SGSM3: variants seen among roughly 807,000 people sequenced by gnomAD.
The protein encoded by SGSM3 is RUN and SH3 containing 3.
Under a neutral mutation model 100.5 loss-of-function variants are expected in SGSM3, and 96 were observed. That is an observed-to-expected ratio of 0.96 (90% CI 0.81 to 1.13). The LOEUF is 1.13. Among genes scored for constraint, SGSM3 ranks in the 50% most tolerant of loss-of-function variants. SGSM3 has a pLI of 0.00. For missense variants in SGSM3, 1,001 were observed against 1,015.8 expected, an observed-to-expected ratio of 0.99 and a Z score of 0.20; for synonymous variants, 483 against 422.8, an observed-to-expected ratio of 1.14 and a Z score of -1.75.
At chr22:40,380,485 G>A (rs1422666698) in intron 1 of SGSM3, among the ~76,000 whole-genome samples, 2 of 151,152 alleles carry the variant, frequency 1.3e-5, no homozygotes, top group East Asian at 3.9e-4. Context: ...TCCCACCTCA[G>A]CATCCCGAGT....
rs1000572847 is a variant in SGSM3, at chr22:40,410,278, G to C, written c.*519G>C. On this transcript the variant is annotated 3_prime_UTR_variant, in exon 22 of 22. Transcript: ENST00000248929. ...CCCCTTCCATGGACTGAATAAGATG[G>C]ACTAACAGGCCTGTGTTTTTGTGTT... 6.5e-6 allele frequency: 4 copies of C among 619,090 alleles called. No individual in the cohort carries two copies. Among genetic ancestry groups the C allele is most frequent in the African/African-American group, 5.8e-5 (3 of 52,116 alleles). The allele number at this position is 619,090 out of a possible 1,614,324, so 38.3% of individuals were successfully genotyped here.
At position 40,404,628 on chromosome 22, in the gene SGSM3, G is replaced by C. The variant is rs139091222; in HGVS notation, c.438G>C (p.Lys146Asn). The C allele has an allele frequency of 4.3e-5, 69 of 1,613,458 alleles. No homozygotes were observed. The African/African-American group carries it at 7.7e-4, about 18-fold the overall frequency. Residue 146 changes from lysine to asparagine, a missense_variant, in exon 6 of 22, where the codon AAG (lysine) becomes AAC (asparagine). Physicochemically the swap from Lys to Asn is moderately conservative, Grantham distance 94. Transcript: ENST00000248929. ...AGCTGTCCTACCGCGAGATTGTGAA[G>C]AACAGCTCCAACGATGAGACCATCG... ...NSELSYREIV[K>N]NSSNDETIAA...
rs901598073 is a variant in SGSM3 at position 40,410,066 on chromosome 22, G to A, written c.*307G>A. On this transcript the variant is annotated 3_prime_UTR_variant, in exon 22 of 22. Transcript: ENST00000248929. Reference sequence around the variant, plus strand: ...GGATGGGGGTGGCTAGTAGGCTCCTGGCCTCTTTGGTTTATAAATAAACTG... The same window carrying A: ...GGATGGGGGTGGCTAGTAGGCTCCTAGCCTCTTTGGTTTATAAATAAACTG... 9 of 1,264,928 alleles carry A rather than the reference G, an allele frequency of 7.1e-6. No homozygotes were observed. Among genetic ancestry groups the A allele is most frequent in the African/African-American group, 6.2e-5 (4 of 64,462 alleles). 78.4% of individuals were successfully genotyped at this position (1,264,928 alleles called of 1,614,324 possible). A position where few individuals can be genotyped will look rare whatever the true frequency, so the allele number is the denominator to read the frequency against.
intron 1 of SGSM3, among the ~76,000 whole-genome samples, chr22:40,393,054 C>T (rs537405270): frequency 1.3e-5 from 2 of 152,304 alleles, no homozygotes; most frequent in South Asian, 4.1e-4. Context: ...TCATTGTCTG[C>T]GTAAGCTACA....
rs1325268036 is a variant in SGSM3, at chr22:40,410,032, GAGGGA to G, written c.*278_*282del. On this transcript the variant is annotated 3_prime_UTR_variant, in exon 22 of 22. Transcript: ENST00000248929. ...GGGGAGCCATGTCTGTGCTCAGGAA[GAGGGA>G]AGGGGATGGGGGTGGCTAGTAGGCT... The G allele has an allele frequency of 8.3e-6, 11 of 1,318,232 alleles. No individual in the cohort carries two copies. The East Asian group carries it at 3.1e-4, about 37-fold the overall frequency. 81.7% of individuals were successfully genotyped at this position (1,318,232 alleles called of 1,614,324 possible).
At position 40,409,316 on chromosome 22, in the gene SGSM3, C is replaced by T. The variant is rs202053503; in HGVS notation, c.2055C>T (p.Tyr685=). Residue 685 remains tyrosine (Y), a synonymous_variant, in exon 20 of 22, where the codon TAC becomes TAT. Transcript: ENST00000248929. Reference sequence around the variant, plus strand: ...GCCTGCCCACCGTGGAGAAGTGGTACCAGCCCTGGTCCTTCCTGCGCAGCC... The same window carrying T: ...GCCTGCCCACCGTGGAGAAGTGGTATCAGCCCTGGTCCTTCCTGCGCAGCC... ...CSSLPTVEKW[Y]QPWSFLRSPG... is the part of the protein sequence containing the mutation. 1.2e-5 allele frequency: 19 copies of T among 1,613,274 alleles called. No individual in the cohort carries two copies. Among genetic ancestry groups the T allele is most frequent in the East Asian group, 2.2e-5 (1 of 44,862 alleles).
Position 40,407,991 on chromosome 22 carries a change from G to A in SGSM3, c.1580-80G>A. ...GAAGCAGCTGAGCCGGCTTCCCACT[G>A]CCTCAGCCTGCCTGCAGGCTGTGTC... On this transcript the variant is annotated intron_variant, in intron 14 of 21. Coordinates refer to ENST00000248929, the MANE Select transcript of SGSM3 (RefSeq NM_015705.6). This position sits in a 1 kb window ranked among gnomAD's most constrained non-coding sequence, Gnocchi z 4.7. 3.3e-6 allele frequency: 5 copies of A among 1,521,730 alleles called. No individual in the cohort carries two copies. The Admixed American group carries it at 7.1e-5, about 22-fold the overall frequency. 94.3% of individuals were successfully genotyped at this position (1,521,730 alleles called of 1,614,324 possible).
chr22:40,382,127 C>T (rs1283412067), intron 1 of SGSM3, among the ~76,000 whole-genome samples: 1 of 151,972 alleles, frequency 6.6e-6, no homozygotes, highest in African/African-American at 2.4e-5. Flanking sequence ...AGAGTGGTGC[C>T]TGCCATGTGA....
intron 1 of SGSM3, among the ~76,000 whole-genome samples, chr22:40,393,701 TCA>T (rs568203306): frequency 1.3e-3 from 191 of 152,308 alleles, no homozygotes; most frequent in African/African-American, 4.5e-3. Context: ...AGTTTATTTC[TCA>T]CAGTTTGGGA....
At chr22:40,385,545 G>A (rs2048280455) in intron 1 of SGSM3, among the ~76,000 whole-genome samples, 1 of 152,162 alleles carries the variant, frequency 6.6e-6, no homozygotes, top group African/African-American at 2.4e-5. Flanking sequence ...GAGAGGGCGG[G>A]CAGAAAGAGC....
chr22:40,403,419 G>A (rs995623366), intron 4 of SGSM3, among the ~76,000 whole-genome samples: 3 of 152,142 alleles, frequency 2.0e-5, no homozygotes, highest in Admixed American at 6.5e-5. Context: ...GCAGGCCCCC[G>A]AACAAAACTG....
At chr22:40,371,739 C>G (rs1003358973) in intron 1 of SGSM3, among the ~76,000 whole-genome samples, 13 of 151,834 alleles carry the variant, frequency 8.6e-5, no homozygotes, top group Admixed American at 2.0e-4. Context: ...CGCTCTTGCC[C>G]GGGCTGGAGT....
At chr22:40,408,554 G>A in intron 16 of SGSM3, 73 bp from the exon 17 acceptor site, 2 of 1,594,020 alleles carry the variant, frequency 1.3e-6, no homozygotes, top group Non-Finnish European at 8.6e-7. Context: ...GGTGACAGGT[G>A]CCCAGTCGGC....
At position 40,408,058 on chromosome 22, in the gene SGSM3, G is replaced by T; in HGVS notation, c.1580-13G>T. 1 of 1,588,354 alleles carries T rather than the reference G, an allele frequency of 6.3e-7. No homozygotes were observed. Among genetic ancestry groups the T allele is most frequent in the Non-Finnish European group, 8.6e-7 (1 of 1,164,858 alleles). Reference sequence around the variant, plus strand: ...CTCGTGGTTGCTCCTTACAGGGCCTGTTTTTCCCACAGGCTGGTTTCCAGC... The same window carrying T: ...CTCGTGGTTGCTCCTTACAGGGCCTTTTTTTCCCACAGGCTGGTTTCCAGC... On this transcript the variant is annotated splice_polypyrimidine_tract_variant and intron_variant, in intron 14 of 21. Coordinates refer to ENST00000248929, the MANE Select transcript of SGSM3 (RefSeq NM_015705.6).
chr22:40,400,952 G>A (rs947695570), intron 2 of SGSM3, 139 bp downstream of exon 2: 1 of 843,248 alleles, frequency 1.2e-6, no homozygotes, highest in Non-Finnish European at 1.8e-6. Flanking sequence ...CTGGCTGGCT[G>A]AGAAAGTTAT....
intron 1 of SGSM3, among the ~76,000 whole-genome samples, chr22:40,398,701 A>G (rs73885700): frequency 0.028 from 3,883 of 141,060 alleles, 708 homozygotes; most frequent in African/African-American, 0.097. Flanking sequence ...GTATACCTCA[A>G]TGAGGAGGGT....
At position 40,407,652 on chromosome 22, in the gene SGSM3, T is replaced by A; in HGVS notation, c.1524+84T>A. On this transcript the variant is annotated intron_variant, in intron 13 of 21. Coordinates refer to ENST00000248929, the MANE Select transcript of SGSM3 (RefSeq NM_015705.6). The surrounding 1 kb of genome is among the most constrained non-coding windows in gnomAD (Gnocchi z 4.7). ...TCCACCAAGCCCCACCCCAACCCCT[T>A]TCCCTGCCAAGAGCTTCTCTTGTGA... The A allele has an allele frequency of 1.3e-6, 2 of 1,579,982 alleles. No homozygotes were observed. Among genetic ancestry groups the A allele is most frequent in the Non-Finnish European group, 1.7e-6 (2 of 1,160,462 alleles).
intron 1 of SGSM3, among the ~76,000 whole-genome samples, chr22:40,383,729 G>T (rs1333445385): frequency 6.6e-6 from 1 of 152,068 alleles, no homozygotes; most frequent in Non-Finnish European, 1.5e-5. Flanking sequence ...AAGAGATTGG[G>T]GTCTATGGAA....
chr22:40,396,316 G>T (rs1430561190), intron 1 of SGSM3, among the ~76,000 whole-genome samples: 1 of 152,108 alleles, frequency 6.6e-6, no homozygotes, highest in Non-Finnish European at 1.5e-5. Flanking sequence ...CTCAGGCCGG[G>T]TGCGGTGGCT....
Sources: gnomAD v4.1 joint callset for allele counts (sites outside exome capture counted in the v4.1 genomes callset) on GRCh38, gnomAD v4.1.1 for gene constraint, Gnocchi (gnomAD v3.1) non-coding constraint, MANE v1.5 for transcripts, NCBI Gene and HGNC (gene_info 2026-07-23, HGNC 2026-07-21) for gene names.